The following EIF4G3 variants were observed in gnomAD, a reference collection of about 807,000 sequenced individuals.
EIF4G3 encodes the protein eukaryotic translation initiation factor 4 gamma 3.
A neutral mutation model predicts 186.4 loss-of-function variants in EIF4G3; 34 were observed. The ratio of observed to expected loss-of-function variants is 0.18; its 90% CI spans 0.14 to 0.24. EIF4G3 has a LOEUF of 0.24. Among genes scored for constraint, EIF4G3 ranks in the 10% least tolerant of loss-of-function variants. The probability of loss-of-function intolerance (pLI) is 1.00; values close to 1 mark genes in which losing one functional copy is unlikely to be tolerated. For synonymous variants in EIF4G3, 673 were observed against 679.5 expected (o/e 0.99, Z 0.15); for missense variants, 1,536 against 1,948.5 (o/e 0.79, Z 3.99).
At chr1:21,066,164 T>C (rs558046806) in intron 3 of EIF4G3, among the ~76,000 whole-genome samples, 24 of 151,454 alleles carry the variant, frequency 1.6e-4, no homozygotes, top group African/African-American at 5.1e-4. Flanking sequence ...AAATTAATAA[T>C]AACAAATAAC....
At chr1:20,902,691 A>G (rs1205778331) in intron 15 of EIF4G3, among the ~76,000 whole-genome samples, 1 of 152,160 alleles carries the variant, frequency 6.6e-6, no homozygotes, top group Non-Finnish European at 1.5e-5. Context: ...TCCAGGCTGG[A>G]GTGCACTGGC....
chr1:21,164,327 C>T (rs1011849139), intron 2 of EIF4G3, among the ~76,000 whole-genome samples: 3 of 152,076 alleles, frequency 2.0e-5, no homozygotes, highest in Non-Finnish European at 4.4e-5. Flanking sequence ...ACTTGTTTTC[C>T]GGGCATAAAA....
intron 26 of EIF4G3, among the ~76,000 whole-genome samples, chr1:20,854,723 A>G (rs2074388139): frequency 6.6e-6 from 1 of 150,974 alleles, no homozygotes; most frequent in African/African-American, 2.4e-5. Context: ...ATAAATAAAT[A>G]AATAAATAAA....
intron 14 of EIF4G3, among the ~76,000 whole-genome samples, chr1:20,906,920 GGT>G (rs1373365254): frequency 1.3e-5 from 2 of 151,916 alleles, no homozygotes; most frequent in African/African-American, 4.8e-5. Flanking sequence ...GTAAAATTTG[GGT>G]GTGCTGAGGA....
At chr1:20,866,753 A>G (rs960387655) in intron 20 of EIF4G3, among the ~76,000 whole-genome samples, 3 of 152,230 alleles carry the variant, frequency 2.0e-5, no homozygotes, top group African/African-American at 4.8e-5. Context: ...GAGCACCAAC[A>G]TGACATTAGA....
chr1:21,082,776 C>T (rs1240300067), intron 3 of EIF4G3, among the ~76,000 whole-genome samples: 1 of 151,856 alleles, frequency 6.6e-6, no homozygotes, highest in African/African-American at 2.4e-5. Flanking sequence ...CGGTGGCTCA[C>T]GCCTGTAATC....
At chr1:21,009,487 A>G (rs1024004508) in intron 4 of EIF4G3, among the ~76,000 whole-genome samples, 4 of 151,238 alleles carry the variant, frequency 2.6e-5, no homozygotes, top group East Asian at 2.0e-4. Flanking sequence ...AGCCCCGTTC[A>G]TTCTCATTAG....
intron 30 of EIF4G3, among the ~76,000 whole-genome samples, chr1:20,830,381 A>G (rs1040230563): frequency 1.3e-5 from 2 of 152,166 alleles, no homozygotes; most frequent in Non-Finnish European, 2.9e-5. Flanking sequence ...CTTAATTCCA[A>G]CTTTCTGACC....
chr1:20,901,487 A>T (rs1352687564), intron 15 of EIF4G3, among the ~76,000 whole-genome samples: 1 of 152,204 alleles, frequency 6.6e-6, no homozygotes, highest in Non-Finnish European at 1.5e-5. Context: ...CAGATCTTAT[A>T]AAATGTGAAA....
chr1:20,836,953 A>G (rs370577383), intron 30 of EIF4G3, among the ~76,000 whole-genome samples: 6 of 152,230 alleles, frequency 3.9e-5, no homozygotes, highest in African/African-American at 1.2e-4. Context: ...TTTAGATTCA[A>G]GTCCTGAAAA....
intron 2 of EIF4G3, among the ~76,000 whole-genome samples, chr1:21,159,620 A>G (rs2102922683): frequency 6.6e-6 from 1 of 152,058 alleles, no homozygotes; most frequent in South Asian, 2.1e-4. Flanking sequence ...CACGCCTGTA[A>G]TTCCAACTGC....
In EIF4G3 at chr1:20,899,627, A is replaced by C. The variant is rs1312418006; in HGVS notation, c.1999+70T>G. ...TCTTCCATCCAGTATCTCTCTAAAAAGAGGCAACATTTCTCTAAGGTTGCA... is the reference window on the plus strand; with the variant it reads ...TCTTCCATCCAGTATCTCTCTAAAACGAGGCAACATTTCTCTAAGGTTGCA... On this transcript the variant is annotated intron_variant, in intron 16 of 36. Transcript: ENST00000602326. 3.9e-6 allele frequency: 6 copies of C among 1,555,864 alleles called. No homozygotes were observed. The Admixed American group carries it at 1.1e-4, about 29-fold the overall frequency.
intron 12 of EIF4G3, among the ~76,000 whole-genome samples, chr1:20,950,883 A>G (rs1241943704): frequency 7.9e-5 from 12 of 152,198 alleles, no homozygotes; most frequent in Admixed American, 7.9e-4. Flanking sequence ...AGAGGACATG[A>G]ACATTCATTC....
At chr1:20,877,894 A>C (rs2081313266) in intron 20 of EIF4G3, among the ~76,000 whole-genome samples, 1 of 152,020 alleles carries the variant, frequency 6.6e-6, no homozygotes, top group Non-Finnish European at 1.5e-5. Flanking sequence ...CCCAGGCTGG[A>C]GTGTTGTGGT....
intron 4 of EIF4G3, among the ~76,000 whole-genome samples, chr1:21,018,582 G>A (rs1444342916): frequency 6.6e-6 from 1 of 151,922 alleles, no homozygotes; most frequent in Non-Finnish European, 1.5e-5. Context: ...AAAAATTAAG[G>A]TGGTACTATG....
At position 20,813,247 on chromosome 1, in the gene EIF4G3, C is replaced by A; in HGVS notation, c.4516-8G>T. On this transcript the variant is annotated splice_region_variant and splice_polypyrimidine_tract_variant and intron_variant, in intron 34 of 36. Coordinates refer to ENST00000602326, the MANE Select transcript of EIF4G3 (RefSeq NM_001391906.1). Reference sequence around the variant, plus strand: ...GATTTCGTCTAGATTAGCCTGAAGTCAAAAAGAAATAAAACAATTAAAGAT... The same window carrying A: ...GATTTCGTCTAGATTAGCCTGAAGTAAAAAAGAAATAAAACAATTAAAGAT... The A allele has an allele frequency of 6.2e-7, 1 of 1,607,270 alleles. No homozygotes were observed. The highest frequency in any genetic ancestry group is 1.3e-5 in the African/African-American group (1 of 74,774).
intron 2 of EIF4G3, among the ~76,000 whole-genome samples, chr1:21,151,376 T>C (rs1000103515): frequency 1.3e-5 from 2 of 150,932 alleles, no homozygotes; most frequent in Middle Eastern, 3.4e-3. Context: ...GTAGCTGGGG[T>C]TACAGGCGCC....
At chr1:21,105,446 A>G (rs902940170) in intron 2 of EIF4G3, among the ~76,000 whole-genome samples, 1 of 152,110 alleles carries the variant, frequency 6.6e-6, no homozygotes, top group Non-Finnish European at 1.5e-5. Flanking sequence ...AAAGAAAAAA[A>G]AAAAATCTGT....
intron 35 of EIF4G3, among the ~76,000 whole-genome samples, chr1:20,812,756 G>A (rs2059510671): frequency 6.6e-6 from 1 of 152,132 alleles, no homozygotes; most frequent in Non-Finnish European, 1.5e-5. Flanking sequence ...CTTCATGTAT[G>A]TACTTATATA....
Sources: allele counts gnomAD v4.1 joint callset (sites outside exome capture counted in the v4.1 genomes callset), GRCh38; gene constraint gnomAD v4.1.1; transcripts MANE v1.5; gene names NCBI Gene and HGNC (gene_info 2026-07-23, HGNC 2026-07-21).